The following HEG1 variants were observed in gnomAD, a reference collection of about 807,000 sequenced individuals.
HEG1 encodes heart development protein with EGF like domains 1.
In HEG1, 56 loss-of-function variants were observed where a neutral mutation model predicts 125.6. The ratio of observed to expected loss-of-function variants is 0.45; its 90% CI spans 0.36 to 0.56. HEG1 has a LOEUF of 0.56. HEG1 is among the 20% of genes least tolerant of loss of function. The pLI is 0.00. For synonymous variants in HEG1, 644 were observed against 668.5 expected, an observed-to-expected ratio of 0.96 and a Z score of 0.57; for missense variants, 1,523 against 1,670.0, an observed-to-expected ratio of 0.91 and a Z score of 1.53.
chr3:125,048,390 C>G (rs1290000990), intron 1 of HEG1, among the ~76,000 whole-genome samples: 3 of 152,172 alleles, frequency 2.0e-5, no homozygotes, highest in Non-Finnish European at 4.4e-5. Flanking sequence ...CCTGGGTGAT[C>G]CAGACACCCT....
intron 7 of HEG1, among the ~76,000 whole-genome samples, 181 bp downstream of exon 7, chr3:125,010,258 G>C (rs28503954): frequency 0.59 from 89,807 of 151,640 alleles, 27,200 homozygotes; most frequent in Middle Eastern, 0.73. Context: ...GTCTGGCAGT[G>C]CCACACTACA....
intron 16 of HEG1, 86 bp from the exon 17 acceptor site, chr3:124,970,887 A>G (rs1936411911): frequency 1.5e-5 from 17 of 1,151,762 alleles, no homozygotes; most frequent in East Asian, 2.5e-5. Context: ...TTTTAGACCA[A>G]TGTAAGAAAA....
At chr3:125,031,887 A>G (rs951816334) in intron 1 of HEG1, among the ~76,000 whole-genome samples, 21 of 152,284 alleles carry the variant, frequency 1.4e-4, no homozygotes, top group African/African-American at 5.1e-4. Context: ...TGCCTAAGAG[A>G]TACTGAGTCA....
At chr3:125,028,422 C>A (rs1044841166) in intron 2 of HEG1, among the ~76,000 whole-genome samples, 2 of 152,206 alleles carry the variant, frequency 1.3e-5, no homozygotes, top group Non-Finnish European at 2.9e-5. Flanking sequence ...CCCAAGGGAG[C>A]CTGCTGGCCT....
chr3:125,024,977 G>C (rs1158423906), intron 3 of HEG1, among the ~76,000 whole-genome samples: 1 of 152,172 alleles, frequency 6.6e-6, no homozygotes, highest in Non-Finnish European at 1.5e-5. Flanking sequence ...TTTCCTAGTG[G>C]GTGGAGTGGC....
chr3:125,011,808 T>A (rs1937160419), intron 6 of HEG1, among the ~76,000 whole-genome samples: 1 of 152,234 alleles, frequency 6.6e-6, no homozygotes, highest in African/African-American at 2.4e-5. Flanking sequence ...GCAGTTTTCC[T>A]TTCCCATGTC....
intron 15 of HEG1, 34 bp downstream of exon 15, chr3:124,977,825 G>A (rs1465390752): frequency 2.2e-6 from 3 of 1,394,954 alleles, no homozygotes; most frequent in Admixed American, 3.9e-5. Flanking sequence ...ACAGGCAAAG[G>A]AACGGGATTG....
At chr3:125,008,815 AAAACAC>A (rs1433395724) in intron 8 of HEG1, among the ~76,000 whole-genome samples, 1 of 15,266 alleles carries the variant, frequency 6.6e-5, no homozygotes, top group Non-Finnish European at 1.3e-4. Context: ...CAAAAAACAA[AAAACAC>A]AAAAACAAAA....
At chr3:125,050,937 G>A (rs1336961532) in intron 1 of HEG1, among the ~76,000 whole-genome samples, 1 of 152,202 alleles carries the variant, frequency 6.6e-6, no homozygotes. Context: ...TCAAATGAAA[G>A]CAATTTGACA....
intron 1 of HEG1, among the ~76,000 whole-genome samples, chr3:125,042,454 ATG>A (rs1483369953): frequency 1.3e-5 from 2 of 152,164 alleles, no homozygotes; most frequent in Non-Finnish European, 2.9e-5. Context: ...ATAAAAAAGT[ATG>A]TATTTACTGA....
intron 16 of HEG1, among the ~76,000 whole-genome samples, chr3:124,973,419 A>G (rs767762604): frequency 6.6e-6 from 1 of 152,248 alleles, no homozygotes; most frequent in Admixed American, 6.5e-5. Context: ...AAGGCTAAAT[A>G]TCACTAAATT....
intron 11 of HEG1, among the ~76,000 whole-genome samples, chr3:124,998,263 C>A (rs1364212147): frequency 6.6e-6 from 1 of 152,178 alleles, no homozygotes; most frequent in Non-Finnish European, 1.5e-5. Flanking sequence ...GAGTGCAGGC[C>A]AGACCTGTTT....
At chr3:124,980,715 C>T (rs1001239655) in intron 14 of HEG1, among the ~76,000 whole-genome samples, 1 of 152,058 alleles carries the variant, frequency 6.6e-6, no homozygotes, top group South Asian at 2.1e-4. Context: ...GACGGGGTTT[C>T]GCTATGTTGG....
rs750437556 is a variant in HEG1 at position 124,990,928 on chromosome 3, T to A, written c.3695+16A>T. ...AGATTTGTAACAAAATTAGACTAAA[T>A]CAACATGGAGCCTACCTCATGCAGG... On this transcript the variant is annotated intron_variant, in intron 13 of 16. Coordinates refer to ENST00000311127, the MANE Select transcript of HEG1 (RefSeq NM_020733.2). The A allele has an allele frequency of 1.3e-6, 2 of 1,556,768 alleles. No homozygotes were observed. The highest frequency in any genetic ancestry group is 1.7e-6 in the Non-Finnish European group (2 of 1,148,838).
rs995677389 is a variant in HEG1, at chr3:125,036,216, A to AAAAAAAAG, written c.317-6729_317-6728insCTTTTTTT. ...CAAAGCAAGACCCTGTCTCAAAAAAAAAAAAAAAAAGAAAAGAAATGGAGT... is the reference window on the plus strand; with the variant it reads ...CAAAGCAAGACCCTGTCTCAAAAAAAAAAAAAAGAAAAAAAAAAGAAAAGAAATGGAGT... On this transcript the variant is annotated intron_variant, in intron 1 of 16. Coordinates refer to ENST00000311127, the MANE Select transcript of HEG1 (RefSeq NM_020733.2). Among the ~76,000 whole-genome samples the AAAAAAAAG allele has an allele frequency of 3.3e-5, 5 of 150,606 alleles. 1 individual carries two copies. Among genetic ancestry groups the AAAAAAAAG allele is most frequent in the South Asian group, 2.1e-4 (1 of 4,744 alleles).
chr3:124,997,667 C>A, intron 12 of HEG1, 22 bp downstream of exon 12: 1 of 1,554,056 alleles, frequency 6.4e-7, no homozygotes, highest in Non-Finnish European at 8.7e-7. Context: ...GGGCACAGAA[C>A]CCCAGGCGAA....
rs1461688733 is a variant in HEG1 at position 125,019,301 on chromosome 3, C to T, written c.1549G>A (p.Glu517Lys). ...CGTGGTGCTGATGAATTCAAGCTTT[C>T]CGAGGAAGATGTAGATGAAGACTCT... Reference protein sequence around the residue: ...YSESSSTSSSESLNSSAPRGE... With the variant: ...YSESSSTSSSKSLNSSAPRGE... The change falls in exon 5 of 17, where the codon GAA (glutamate) becomes AAA (lysine). Residue 517 changes from glutamate (E) to lysine (K), a missense_variant. Physicochemically the swap from Glu to Lys is moderately conservative, Grantham distance 56. Coordinates refer to ENST00000311127, the MANE Select transcript of HEG1 (RefSeq NM_020733.2). 1 of 1,612,872 alleles carries T rather than the reference C, an allele frequency of 6.2e-7. No individual in the cohort carries two copies. The highest frequency in any genetic ancestry group is 1.1e-5 in the South Asian group (1 of 91,060).
chr3:124,995,089 A>G (rs952298390), intron 12 of HEG1, among the ~76,000 whole-genome samples: 4 of 152,004 alleles, frequency 2.6e-5, no homozygotes, highest in African/African-American at 9.7e-5. Flanking sequence ...GCTTGAGCCT[A>G]GGTGTTTGAG....
intron 6 of HEG1, among the ~76,000 whole-genome samples, chr3:125,011,646 G>A (rs1937158576): frequency 6.6e-6 from 1 of 152,150 alleles, no homozygotes; most frequent in Non-Finnish European, 1.5e-5. Context: ...TGGCATGGGG[G>A]TGGTTTGCTT....
Sources: allele counts gnomAD v4.1 joint callset (sites outside exome capture counted in the v4.1 genomes callset), GRCh38; gene constraint gnomAD v4.1.1; transcripts MANE v1.5; gene names NCBI Gene and HGNC (gene_info 2026-07-23, HGNC 2026-07-21).